Variants in UBE2H observed in about 807,000 individuals in gnomAD.
The protein encoded by UBE2H is ubiquitin conjugating enzyme E2 H.
Under a neutral mutation model 29.0 loss-of-function variants are expected in UBE2H, and 3 were observed. The observed-to-expected ratio is 0.10, with a 90% confidence interval of 0.05 to 0.27. The LOEUF (loss-of-function observed/expected upper bound fraction) is 0.27. Ranked by LOEUF, UBE2H falls within the 10% of genes least tolerant of loss-of-function variation. The pLI is 1.00. For missense variants in UBE2H, 68 were observed against 228.2 expected, an observed-to-expected ratio of 0.30 and a Z score of 4.52; for synonymous variants, 69 against 82.9, an observed-to-expected ratio of 0.83 and a Z score of 0.91.
intron 1 of UBE2H, among the ~76,000 whole-genome samples, chr7:129,917,940 G>A (rs573534773): frequency 6.6e-6 from 1 of 152,270 alleles, no homozygotes; most frequent in African/African-American, 2.4e-5. Context: ...CTCACCAAAA[G>A]CTAGTATCAA....
At chr7:129,859,017 T>TC in intron 3 of UBE2H, 76 bp from the exon 4 acceptor site, 2 of 1,212,960 alleles carry the variant, frequency 1.6e-6, no homozygotes, top group Non-Finnish European at 2.4e-6. Context: ...GGAAACAATT[T>TC]CAGTATTGGG....
At chr7:129,853,112 G>A (rs918454656) in intron 5 of UBE2H, among the ~76,000 whole-genome samples, 1 of 152,150 alleles carries the variant, frequency 6.6e-6, no homozygotes, top group Non-Finnish European at 1.5e-5. Context: ...ACATTTGCAG[G>A]GATCAAGCAT....
intron 1 of UBE2H, among the ~76,000 whole-genome samples, chr7:129,938,944 G>A (rs1417310021): frequency 2.0e-5 from 3 of 151,636 alleles, no homozygotes; most frequent in Admixed American, 1.3e-4. Flanking sequence ...GATTACAGGC[G>A]CCTGCCACCA....
chr7:129,875,468 T>C (rs981425779), intron 3 of UBE2H, among the ~76,000 whole-genome samples: 1 of 152,226 alleles, frequency 6.6e-6, no homozygotes, highest in Non-Finnish European at 1.5e-5. Context: ...CAGTGCACAT[T>C]TCTAAATATT....
chr7:129,843,881 A>G (rs1008643416), intron 5 of UBE2H, among the ~76,000 whole-genome samples: 13 of 152,180 alleles, frequency 8.5e-5, no homozygotes, highest in Non-Finnish European at 1.8e-4. Context: ...TTTAAAAACA[A>G]AGCATAGGTT....
chr7:129,927,951 T>G (rs887189309), intron 1 of UBE2H, among the ~76,000 whole-genome samples: 3 of 151,424 alleles, frequency 2.0e-5, no homozygotes, highest in African/African-American at 7.3e-5. Context: ...ATTCCAGCAC[T>G]TTGGGAGGCG....
intron 3 of UBE2H, among the ~76,000 whole-genome samples, chr7:129,879,182 G>C (rs12540517): frequency 0.063 from 9,523 of 152,232 alleles, 368 homozygotes; most frequent in Non-Finnish European, 0.092. Flanking sequence ...GATCTAGGGA[G>C]AATTTCTGAA....
intron 5 of UBE2H, among the ~76,000 whole-genome samples, chr7:129,841,889 C>T (rs577754086): frequency 2.6e-5 from 4 of 152,244 alleles, no homozygotes; most frequent in African/African-American, 9.6e-5. Flanking sequence ...AAGATTTTCA[C>T]CAATGTTTTA....
Position 129,863,808 on chromosome 7 carries a change from G to GTTTTTTTTTTTTT in UBE2H, c.206-4880_206-4868dup, listed in dbSNP as rs34701981. Reference sequence around the variant, plus strand: ...AAAATGATCTCTTCCAATACTAGGTGTTTTTTTTTTTTTTTGAGATAAGGT... The same window carrying GTTTTTTTTTTTTT: ...AAAATGATCTCTTCCAATACTAGGTGTTTTTTTTTTTTTTTTTTTTTTTTTTTTGAGATAAGGT... On this transcript the variant is annotated intron_variant, in intron 3 of 6. Coordinates refer to ENST00000355621, the MANE Select transcript of UBE2H (RefSeq NM_003344.4). Among the ~76,000 whole-genome samples, 10 of 136,040 alleles carry GTTTTTTTTTTTTT rather than the reference G, an allele frequency of 7.4e-5. 1 individual carries two copies. The highest frequency in any genetic ancestry group is 1.9e-4 in the African/African-American group (7 of 36,290). The allele number at this position is 136,040 out of a possible 152,430, so 89.2% of individuals were successfully genotyped here. A position where few individuals can be genotyped will look rare whatever the true frequency, so the allele number is the denominator to read the frequency against.
chr7:129,854,072 T>TTTTTTATTTTTTTTATTTTTA, intron 5 of UBE2H, among the ~76,000 whole-genome samples: 1 of 149,926 alleles, frequency 6.7e-6, no homozygotes, highest in African/African-American at 2.4e-5. Context: ...TTTTTTTTTT[T>TTTTTTATTTTTTTTATTTTTA]TTTTTTTTTT....
chr7:129,910,416 G>A (rs1392368622), intron 1 of UBE2H, among the ~76,000 whole-genome samples: 5 of 152,094 alleles, frequency 3.3e-5, no homozygotes, highest in Admixed American at 2.6e-4. Context: ...GAAGGCTAGG[G>A]GAGGGGAGAG....
intron 3 of UBE2H, among the ~76,000 whole-genome samples, chr7:129,864,367 A>G (rs868497412): frequency 2.6e-5 from 4 of 152,162 alleles, no homozygotes; most frequent in African/African-American, 9.7e-5. Context: ...ACATTAATGA[A>G]TATGTCTGCA....
chr7:129,838,099 C>T (rs189406496), intron 6 of UBE2H, among the ~76,000 whole-genome samples: 1 of 152,282 alleles, frequency 6.6e-6, no homozygotes, highest in East Asian at 1.9e-4. Context: ...AAACTGACTG[C>T]CTTTTTCTTC....
chr7:129,895,912 T>C (rs1806591216), intron 1 of UBE2H, among the ~76,000 whole-genome samples: 1 of 152,024 alleles, frequency 6.6e-6, no homozygotes, highest in African/African-American at 2.4e-5. Context: ...CTTCCCCTTT[T>C]GGGCGGTATG....
At chr7:129,949,073 A>C (rs1563056216) in intron 1 of UBE2H, 6 of 456,172 alleles carry the variant, frequency 1.3e-5, no homozygotes, top group South Asian at 9.3e-5. Context: ...CTTTTCCAAA[A>C]CAAGCAGCTC....
chr7:129,898,510 G>C (rs1418826395), intron 1 of UBE2H, among the ~76,000 whole-genome samples: 3 of 152,082 alleles, frequency 2.0e-5, no homozygotes, highest in Non-Finnish European at 2.9e-5. Context: ...ACTTCCTGAA[G>C]AACTGAATAA....
At chr7:129,877,571 T>C (rs1036455012) in intron 3 of UBE2H, among the ~76,000 whole-genome samples, 1 of 152,134 alleles carries the variant, frequency 6.6e-6, no homozygotes, top group African/African-American at 2.4e-5. Flanking sequence ...AAATCTACTT[T>C]CCAAACAGAA....
At chr7:129,859,901 C>G (rs1340341814) in intron 3 of UBE2H, among the ~76,000 whole-genome samples, 4 of 152,084 alleles carry the variant, frequency 2.6e-5, no homozygotes, top group African/African-American at 9.7e-5. Flanking sequence ...CTCTCATATT[C>G]ATTCAGAACA....
At chr7:129,871,300 G>C (rs1411389103) in intron 3 of UBE2H, among the ~76,000 whole-genome samples, 1 of 152,186 alleles carries the variant, frequency 6.6e-6, no homozygotes, top group Non-Finnish European at 1.5e-5. Context: ...GTTATTTTCA[G>C]AACACCAGTA....
Sources: allele counts gnomAD v4.1 joint callset (sites outside exome capture counted in the v4.1 genomes callset), GRCh38; gene constraint gnomAD v4.1.1; transcripts MANE v1.5; gene names NCBI Gene and HGNC (gene_info 2026-07-23, HGNC 2026-07-21).